Variants in PURG observed in about 807,000 individuals in gnomAD.
PURG encodes the protein purine-rich element-binding protein gamma.
In PURG, 3 loss-of-function variants were observed where a neutral mutation model predicts 24.3. The ratio of observed to expected loss-of-function variants is 0.12; its 90% CI spans 0.06 to 0.32. PURG has a LOEUF of 0.32. Among genes scored for constraint, PURG ranks in the 10% least tolerant of loss-of-function variants. PURG has a pLI of 1.00. For synonymous variants in PURG, 180 were observed against 173.1 expected (o/e 1.04, Z -0.31); for missense variants, 371 against 439.1 (o/e 0.84, Z 1.39).
At chr8:31,022,464 C>T (rs1254797155) in intron 1 of PURG, among the ~76,000 whole-genome samples, 2 of 152,172 alleles carry the variant, frequency 1.3e-5, no homozygotes, top group Admixed American at 1.3e-4. Context: ...GAAGTAGTAA[C>T]CCTTCTTTCT....
At chr8:31,002,023 T>C (rs886849552) in intron 1 of PURG, among the ~76,000 whole-genome samples, 4 of 152,216 alleles carry the variant, frequency 2.6e-5, no homozygotes, top group African/African-American at 9.6e-5. Flanking sequence ...GGTAGACTAT[T>C]CTTTTCTTAA....
chr8:31,017,209 C>T (rs545568301), intron 1 of PURG, among the ~76,000 whole-genome samples: 86 of 152,184 alleles, frequency 5.7e-4, no homozygotes, highest in African/African-American at 1.9e-3. Flanking sequence ...GATACAAACA[C>T]AGCACTTTAG....
intron 1 of PURG, among the ~76,000 whole-genome samples, chr8:31,005,037 A>T (rs1358417569): frequency 6.6e-6 from 1 of 152,220 alleles, no homozygotes; most frequent in African/African-American, 2.4e-5. Flanking sequence ...TGCCTGTTTT[A>T]AAAAAGTATC....
downstream of PURG, among the ~76,000 whole-genome samples, chr8:31,029,071 A>C (rs1294523837): frequency 6.6e-6 from 1 of 151,892 alleles, no homozygotes; most frequent in Non-Finnish European, 1.5e-5. Context: ...ACAGATAAGA[A>C]TAGTAGCTTA....
chr8:31,007,951 G>A, intron 1 of PURG, among the ~76,000 whole-genome samples: 1 of 152,180 alleles, frequency 6.6e-6, no homozygotes, highest in South Asian at 2.1e-4. Context: ...CTTTGGATGA[G>A]TAGGAAATTT....
chr8:31,011,391 T>G (rs751899602), intron 1 of PURG, among the ~76,000 whole-genome samples: 1 of 152,154 alleles, frequency 6.6e-6, no homozygotes, highest in Non-Finnish European at 1.5e-5. Context: ...TGAAACAGAA[T>G]AGTTATTTTC....
chr8:30,996,631 C>T (rs754379218), exon 2 of PURG: 2 of 1,612,056 alleles, frequency 1.2e-6, no homozygotes, highest in Non-Finnish European at 8.5e-7. Context: ...TGGGGCTGTT[C>T]CTTATGCTTG....
At chr8:31,003,162 G>C (rs960822802) in intron 1 of PURG, among the ~76,000 whole-genome samples, 1 of 152,142 alleles carries the variant, frequency 6.6e-6, no homozygotes, top group African/African-American at 2.4e-5. Flanking sequence ...ATTCATTTCA[G>C]TATTTTTGGA....
chr8:31,011,207 G>A (rs911497130), intron 1 of PURG, among the ~76,000 whole-genome samples: 3 of 152,212 alleles, frequency 2.0e-5, no homozygotes, highest in African/African-American at 7.2e-5. Context: ...CCTGGGGCAG[G>A]AAGGGCTAAC....
intron 1 of PURG, among the ~76,000 whole-genome samples, chr8:30,997,079 C>T (rs1810444101): frequency 2.0e-5 from 3 of 151,756 alleles, no homozygotes; most frequent in Non-Finnish European, 4.4e-5. Flanking sequence ...TACTCAATTA[C>T]AGTACGGCAG....
rs1811217818 is a variant in PURG, at chr8:31,031,960, A to G, written c.823T>C (p.Tyr275His). 6.2e-7 allele frequency: 1 copy of G among 1,614,100 alleles called. No individual in the cohort carries two copies. Among genetic ancestry groups the G allele is most frequent in the Non-Finnish European group, 8.5e-7 (1 of 1,180,058 alleles). ...TSFRVDNKRF[Y>H]FDVGSNKYGI... Reference sequence around the variant, plus strand: ...TATTTATTAGAGCCCACATCAAAGTAGAACCTTTTATTGTCCACTCTGAAA... The same window carrying G: ...TATTTATTAGAGCCCACATCAAAGTGGAACCTTTTATTGTCCACTCTGAAA... The change falls in exon 2 of 2, where the codon TAC (tyrosine) becomes CAC (histidine). Residue 275 changes from tyrosine (Y) to histidine (H), a missense_variant. Tyr to His is a moderately conservative substitution (Grantham distance 83). This residue lies in a region of PURG where 103 missense variants were observed against 127.7 expected (regional missense o/e 0.81). Transcript: ENST00000523392.
chr8:31,000,627 T>A (rs1810519210), intron 1 of PURG, among the ~76,000 whole-genome samples: 1 of 152,208 alleles, frequency 6.6e-6, no homozygotes, highest in South Asian at 2.1e-4. Context: ...TGAAAGCTGG[T>A]AAGAACATAA....
downstream of PURG, among the ~76,000 whole-genome samples, chr8:31,027,777 TA>T (rs1263196434): frequency 6.6e-6 from 1 of 151,750 alleles, no homozygotes; most frequent in East Asian, 1.9e-4. Context: ...AAGCAACAGT[TA>T]TCTAGTTTTC....
At chr8:31,016,318 T>G (rs973433665) in intron 1 of PURG, among the ~76,000 whole-genome samples, 1 of 151,862 alleles carries the variant, frequency 6.6e-6, no homozygotes, top group Non-Finnish European at 1.5e-5. Flanking sequence ...AGGTGGAGGT[T>G]GCAGTGAGCT....
chr8:31,007,954 G>A (rs1003321715), intron 1 of PURG, among the ~76,000 whole-genome samples: 3 of 152,184 alleles, frequency 2.0e-5, no homozygotes, highest in Non-Finnish European at 2.9e-5. Flanking sequence ...TGGATGAGTA[G>A]GAAATTTTAA....
intron 1 of PURG, among the ~76,000 whole-genome samples, chr8:31,000,692 G>T (rs1047710332): frequency 2.0e-5 from 3 of 152,096 alleles, no homozygotes; most frequent in African/African-American, 7.2e-5. Flanking sequence ...TTAAATAACT[G>T]TCTAAATGGG....
At chr8:31,029,010 A>T (rs1293866611), downstream of PURG, among the ~76,000 whole-genome samples, 1 of 151,888 alleles carries the variant, frequency 6.6e-6, no homozygotes, top group Non-Finnish European at 1.5e-5. Context: ...TACCATGAAC[A>T]CTTGCAGCTC....
intron 1 of PURG, among the ~76,000 whole-genome samples, chr8:31,012,020 T>C (rs1810773662): frequency 6.6e-6 from 1 of 152,218 alleles, no homozygotes; most frequent in Non-Finnish European, 1.5e-5. Flanking sequence ...TAGATTTGTC[T>C]GTTAAGTACC....
chr8:31,032,380 G>A lies in PURG; in HGVS notation c.403C>T (p.Arg135Trp). ...TCTTTGCTGTGGCCATGCTCTTGCC[G>A]GTGGCCTTTCAGGCCCAGGTGGGCA... Reference protein sequence around the residue: ...HYAHLGLKGHRQEHGHSKEQG... With the variant: ...HYAHLGLKGHWQEHGHSKEQG... The change falls in exon 2 of 2, where the codon CGG becomes TGG. Residue 135 changes from arginine to tryptophan, a missense_variant. Around this residue, in one of 5 missense-constraint regions of PURG, gnomAD observed 213 missense variants for 230.6 expected, o/e 0.92. Transcript: ENST00000523392. This position sits in a 1 kb window ranked among gnomAD's most constrained non-coding sequence, Gnocchi z 5.9. 6.2e-7 allele frequency: 1 copy of A among 1,613,494 alleles called. No homozygotes were observed. The highest frequency in any genetic ancestry group is 2.2e-5 in the East Asian group (1 of 44,852).
Sources: allele counts gnomAD v4.1 joint callset (sites outside exome capture counted in the v4.1 genomes callset), GRCh38; gene constraint gnomAD v4.1.1; regional missense constraint gnomAD v4.1.1; non-coding constraint Gnocchi (gnomAD v3.1); transcripts MANE v1.5; gene names NCBI Gene and HGNC (gene_info 2026-07-23, HGNC 2026-07-21).